G3BP1: variants seen among roughly 807,000 people sequenced by gnomAD.
The protein encoded by G3BP1 is ras GTPase-activating protein-binding protein 1.
In G3BP1, 35 loss-of-function variants were observed where a neutral mutation model predicts 58.6. The observed-to-expected ratio is 0.60, with a 90% CI of 0.46 to 0.79. The LOEUF is 0.79. Ranked by LOEUF, G3BP1 falls within the 30% of genes least tolerant of loss-of-function variation. The probability of loss-of-function intolerance (pLI) is 0.00; values close to 1 mark genes in which losing one functional copy is unlikely to be tolerated. For synonymous variants in G3BP1, 191 were observed against 195.4 expected (o/e 0.98, Z 0.19); for missense variants, 523 against 580.8 (o/e 0.90, Z 1.02).
intron 11 of G3BP1, among the ~76,000 whole-genome samples, chr5:151,801,362 C>T (rs557007918): frequency 6.6e-6 from 1 of 152,330 alleles, no homozygotes; most frequent in African/African-American, 2.4e-5. Flanking sequence ...TACTCTTACT[C>T]TGTACGTTCT....
At chr5:151,787,845 AAAATAAAATTTATGAAT>A in intron 2 of G3BP1, 1 of 73,652 alleles carries the variant, frequency 1.4e-5, no homozygotes, top group Non-Finnish European at 2.7e-5. Flanking sequence ...TTCAATTCAT[AAAATAAAATTTATGAAT>A]GTTTTGACAT....
At chr5:151,792,160 T>C in intron 4 of G3BP1, 1 of 456,194 alleles carries the variant, frequency 2.2e-6, no homozygotes, top group Non-Finnish European at 4.4e-6. Flanking sequence ...TGTTGAATGA[T>C]TGCATTTGTG....
rs1176200023 is a variant in G3BP1 at position 151,807,052 on chromosome 5, T to G, written c.*2961T>G. 1 of 152,194 alleles carries G rather than the reference T, an allele frequency of 6.6e-6. No individual in the cohort carries two copies. The highest frequency in any genetic ancestry group is 1.5e-5 in the Non-Finnish European group (1 of 68,032). The allele number at this position is 152,194 out of a possible 1,614,324, so 9.4% of individuals were successfully genotyped here. A position where few individuals can be genotyped will look rare whatever the true frequency, so the allele number is the denominator to read the frequency against. On this transcript the variant is annotated 3_prime_UTR_variant, in exon 12 of 12. Transcript: ENST00000356245. ...TTTTGTTTTAGTGGTGAGGTTGGGT[T>G]TTACTTTGTGTATTCCAGCGTTCTC...
intron 8 of G3BP1, among the ~76,000 whole-genome samples, chr5:151,799,608 C>T (rs1356888987): frequency 6.6e-6 from 1 of 151,848 alleles, no homozygotes; most frequent in African/African-American, 2.4e-5. Context: ...TTGCTTGAGT[C>T]CCGGAGGTTG....
chr5:151,790,740 A>G, intron 3 of G3BP1, 149 bp from the exon 4 acceptor site: 1 of 585,508 alleles, frequency 1.7e-6, no homozygotes, highest in Admixed American at 3.1e-5. Flanking sequence ...TAGAGTATAC[A>G]AAGAAACATC....
chr5:151,804,858 A>T lies in G3BP1; in HGVS notation c.*767A>T, dbSNP rs1762915227. 6.6e-6 allele frequency: 1 copy of T among 152,576 alleles called. No homozygotes were observed. Among genetic ancestry groups the T allele is most frequent in the South Asian group, 2.1e-4 (1 of 4,820 alleles). The allele number at this position is 152,576 out of a possible 1,614,324, so 9.5% of individuals were successfully genotyped here. A position where few individuals can be genotyped will look rare whatever the true frequency, so the allele number is the denominator to read the frequency against. On this transcript the variant is annotated 3_prime_UTR_variant, in exon 12 of 12. Coordinates refer to ENST00000356245, the MANE Select transcript of G3BP1 (RefSeq NM_005754.3). Reference sequence around the variant, plus strand: ...AACAAAAAGCAAAAAAATTCCCAAAACCCAGATAACAACCAGAGCAAAACT... The same window carrying T: ...AACAAAAAGCAAAAAAATTCCCAAATCCCAGATAACAACCAGAGCAAAACT...
At chr5:151,776,750 A>G (rs1335969398) in intron 1 of G3BP1, among the ~76,000 whole-genome samples, 1 of 151,694 alleles carries the variant, frequency 6.6e-6, no homozygotes, top group East Asian at 1.9e-4. Flanking sequence ...ATTATTATTT[A>G]TTTTATATTT....
At chr5:151,797,486 T>C in intron 7 of G3BP1, 58 bp downstream of exon 7, 8 of 1,526,102 alleles carry the variant, frequency 5.2e-6, no homozygotes, top group Non-Finnish European at 7.1e-6. Context: ...AAAAAAAGTT[T>C]CTGTTCTTTT....
intron 11 of G3BP1, among the ~76,000 whole-genome samples, chr5:151,803,473 T>A (rs550007025): frequency 6.2e-4 from 95 of 152,206 alleles, no homozygotes; most frequent in Admixed American, 1.1e-3. Context: ...CTGTGAGAAC[T>A]TAGCTGATTT....
chr5:151,803,841 C>T (rs781112519), intron 11 of G3BP1, 44 bp from the exon 12 acceptor site: 1 of 1,270,742 alleles, frequency 7.9e-7, no homozygotes, highest in Non-Finnish European at 1.1e-6. Context: ...TAGTGATAGC[C>T]AGCTCATCAG....
chr5:151,791,194 C>G, intron 4 of G3BP1, 132 bp downstream of exon 4: 2 of 723,544 alleles, frequency 2.8e-6, no homozygotes, highest in East Asian at 2.5e-5. Context: ...ACACTAACTC[C>G]TATATACTCC....
Position 151,808,508 on chromosome 5 carries a change from C to A in G3BP1, c.*4417C>A, listed in dbSNP as rs1762969237. The A allele has an allele frequency of 6.6e-6, 1 of 152,200 alleles. No homozygotes were observed. Among genetic ancestry groups the A allele is most frequent in the Non-Finnish European group, 1.5e-5 (1 of 68,026 alleles). The allele number at this position is 152,200 out of a possible 1,614,324, so 9.4% of individuals were successfully genotyped here. The stretch of plus-strand genomic sequence containing the variant: ...ACTTGTTTGAAAACATTGGATTCGT[C>A]TTCTCTCCACAGTTTCTACTTGAAC... On this transcript the variant is annotated 3_prime_UTR_variant, in exon 12 of 12. Transcript: ENST00000356245.
At chr5:151,789,334 A>C (rs1419239629) in intron 2 of G3BP1, among the ~76,000 whole-genome samples, 5 of 151,908 alleles carry the variant, frequency 3.3e-5, no homozygotes, top group Non-Finnish European at 7.4e-5. Flanking sequence ...GCGCCATGGC[A>C]CTCCAGCCTG....
At chr5:151,774,440 C>T (rs1473127948) in intron 1 of G3BP1, among the ~76,000 whole-genome samples, 1 of 151,544 alleles carries the variant, frequency 6.6e-6, no homozygotes, top group Non-Finnish European at 1.5e-5. Context: ...TTTATATCGT[C>T]CTTAGGACTG....
intron 1 of G3BP1, among the ~76,000 whole-genome samples, chr5:151,774,245 G>A (rs1171296622): frequency 6.6e-6 from 1 of 152,130 alleles, no homozygotes; most frequent in South Asian, 2.1e-4. Context: ...AACTCAGTTT[G>A]CTGTTCCTGA....
chr5:151,786,927 C>G lies in G3BP1; in HGVS notation c.95+212C>G, dbSNP rs1371906080. ...GTGCGATCTGGACTGACTGCAACGT[C>G]CACCTCCCCAGTTTAAGTGATTCTT... is the stretch of plus-strand genomic sequence containing the variant. On this transcript the variant is annotated intron_variant, in intron 2 of 11. Coordinates refer to ENST00000356245, the MANE Select transcript of G3BP1 (RefSeq NM_005754.3). 4 of 334,642 alleles carry G rather than the reference C, an allele frequency of 1.2e-5. No homozygotes were observed. In the Admixed American group the frequency reaches 1.4e-4, roughly 12 times the overall value. The allele number at this position is 334,642 out of a possible 1,614,324, so 20.7% of individuals were successfully genotyped here.
chr5:151,804,122 A>G lies in G3BP1; in HGVS notation c.*31A>G. 1 of 1,481,596 alleles carries G rather than the reference A, an allele frequency of 6.7e-7. No homozygotes were observed. The highest frequency in any genetic ancestry group is 9.2e-7 in the Non-Finnish European group (1 of 1,082,806). 91.8% of individuals were successfully genotyped at this position (1,481,596 alleles called of 1,614,324 possible). ...CATGGATCTTCATGCAGCCATACAAACCCTGGTTCCAACAGAATGGTGAAT... is the reference window on the plus strand; with the variant it reads ...CATGGATCTTCATGCAGCCATACAAGCCCTGGTTCCAACAGAATGGTGAAT... On this transcript the variant is annotated 3_prime_UTR_variant, in exon 12 of 12. Coordinates refer to ENST00000356245, the MANE Select transcript of G3BP1 (RefSeq NM_005754.3).
At chr5:151,803,757 G>T in intron 11 of G3BP1, 128 bp from the exon 12 acceptor site, 1 of 624,098 alleles carries the variant, frequency 1.6e-6, no homozygotes, top group Non-Finnish European at 2.8e-6. Context: ...GCCTCCCAAA[G>T]TGCTGGGATT....
chr5:151,790,780 A>G (rs1762637588), intron 3 of G3BP1, 109 bp from the exon 4 acceptor site: 1 of 654,498 alleles, frequency 1.5e-6, no homozygotes, highest in African/African-American at 1.8e-5. Flanking sequence ...CTGTAATTTA[A>G]ATATACACAT....
Sources: allele counts gnomAD v4.1 joint callset (sites outside exome capture counted in the v4.1 genomes callset), GRCh38; gene constraint gnomAD v4.1.1; transcripts MANE v1.5; gene names NCBI Gene and HGNC (gene_info 2026-07-23, HGNC 2026-07-21).